The following ARFGEF3 variants were observed in gnomAD, a reference collection of about 807,000 sequenced individuals.
ARFGEF3 encodes ARFGEF family member 3, also known as brefeldin A-inhibited guanine nucleotide-exchange protein 3.
ARFGEF3 carries 96 observed loss-of-function variants against 221.7 expected under a neutral mutation model. The ratio of observed to expected loss-of-function variants is 0.43; its 90% CI spans 0.37 to 0.51. The LOEUF (loss-of-function observed/expected upper bound fraction) is 0.51. ARFGEF3 is among the 20% of genes least tolerant of loss of function. The pLI is 0.00. For missense variants in ARFGEF3, 2,410 were observed against 2,789.9 expected (o/e 0.86, Z 3.07); for synonymous variants, 1,145 against 1,126.8 (o/e 1.02, Z -0.32).
chr6:138,301,088 T>A (rs1779621895), intron 22 of ARFGEF3, among the ~76,000 whole-genome samples: 1 of 152,060 alleles, frequency 6.6e-6, no homozygotes, highest in African/African-American at 2.4e-5. Flanking sequence ...AGAGACAGAT[T>A]TTAAAATAAC....
intron 25 of ARFGEF3, among the ~76,000 whole-genome samples, chr6:138,312,898 C>T (rs1479742276): frequency 4.6e-5 from 7 of 152,098 alleles, no homozygotes; most frequent in Non-Finnish European, 8.8e-5. Context: ...TTAGTAGAGA[C>T]GGGGTTTCGC....
rs1780076032 is a variant in ARFGEF3 at position 138,323,651 on chromosome 6, T to C, written c.4767-20T>C. On this transcript the variant is annotated intron_variant, in intron 29 of 33. Coordinates refer to ENST00000251691, the MANE Select transcript of ARFGEF3 (RefSeq NM_020340.5). ...CAACAACAACAAAAAAAAAACTCCTTTACTTGTTTCTTTTGGCAGATACGT... is the reference window on the plus strand; with the variant it reads ...CAACAACAACAAAAAAAAAACTCCTCTACTTGTTTCTTTTGGCAGATACGT... 3.1e-6 allele frequency: 5 copies of C among 1,593,432 alleles called. No homozygotes were observed. Among genetic ancestry groups the C allele is most frequent in the Non-Finnish European group, 4.3e-6 (5 of 1,171,336 alleles).
chr6:138,332,760 TTTTATGTATA>T (rs1780250534), intron 32 of ARFGEF3, among the ~76,000 whole-genome samples: 6 of 152,234 alleles, frequency 3.9e-5, no homozygotes. Flanking sequence ...AAGTAGTAAC[TTTTATGTATA>T]TTTTACCACA....
chr6:138,181,695 T>C (rs144644761), intron 2 of ARFGEF3, among the ~76,000 whole-genome samples: 2,063 of 152,272 alleles, frequency 0.014, 32 homozygotes, highest in Middle Eastern at 0.058. Flanking sequence ...CCTCCCATCT[T>C]GGCCTCCCAA....
intron 2 of ARFGEF3, among the ~76,000 whole-genome samples, chr6:138,188,318 G>A (rs572021468): frequency 1.8e-4 from 27 of 152,246 alleles, no homozygotes; most frequent in Middle Eastern, 3.4e-3. Context: ...CCCCCCTCCG[G>A]TAATGAGGAT....
intron 8 of ARFGEF3, 21 bp from the exon 9 acceptor site, chr6:138,253,859 G>T (rs1444479821): frequency 5.2e-6 from 8 of 1,544,188 alleles, no homozygotes; most frequent in Non-Finnish European, 7.0e-6. Flanking sequence ...CTGCATTTGT[G>T]TCGGTTCTGC....
intron 18 of ARFGEF3, among the ~76,000 whole-genome samples, chr6:138,290,169 AAGAACAGGGGAC>A (rs1249382787): frequency 6.6e-6 from 1 of 152,228 alleles, no homozygotes; most frequent in Non-Finnish European, 1.5e-5. Context: ...GTATGTTTTG[AAGAACAGGGGAC>A]AGAACTGGGT....
In ARFGEF3 at chr6:138,207,031, G is replaced by C. The variant is rs762085354; in HGVS notation, c.138-11G>C. 4 of 1,601,294 alleles carry C rather than the reference G, an allele frequency of 2.5e-6. No homozygotes were observed. The highest frequency in any genetic ancestry group is 1.7e-6 in the Non-Finnish European group (2 of 1,173,546). On this transcript the variant is annotated splice_polypyrimidine_tract_variant and intron_variant, in intron 2 of 33. Transcript: ENST00000251691. ...GAGCTCACATGTTGTCCTTATTTTT[G>C]TGTTTGCCAGGGAGAAATGCCTGCT...
rs562425561 is a variant in ARFGEF3, at chr6:138,338,697, G to A, written c.*2211G>A. ...CACCTGTAATCCCAGCTACTTAGGA[G>A]GCCGAGACAGGAGAATCGCTCGAAC... On this transcript the variant is annotated 3_prime_UTR_variant, in exon 34 of 34. Transcript: ENST00000251691. 1 of 152,002 alleles carries A rather than the reference G, an allele frequency of 6.6e-6. No individual in the cohort carries two copies. The highest frequency in any genetic ancestry group is 2.4e-5 in the African/African-American group (1 of 41,392). The allele number at this position is 152,002 out of a possible 1,614,324, so 9.4% of individuals were successfully genotyped here.
chr6:138,186,338 T>G (rs184752493), intron 2 of ARFGEF3, among the ~76,000 whole-genome samples: 1 of 152,224 alleles, frequency 6.6e-6, no homozygotes, highest in East Asian at 1.9e-4. Context: ...TAACAGGCTG[T>G]CTGGAGGTCG....
intron 18 of ARFGEF3, among the ~76,000 whole-genome samples, 162 bp downstream of exon 18, chr6:138,290,130 G>T (rs886744963): frequency 3.3e-5 from 5 of 152,228 alleles, no homozygotes; most frequent in African/African-American, 1.2e-4. Context: ...GACGTGAAAA[G>T]AGAAGAGGGA....
In ARFGEF3 at chr6:138,254,987, A is replaced by T. The variant is rs181597641; in HGVS notation, c.771-449A>T. On this transcript the variant is annotated intron_variant, in intron 9 of 33. Transcript: ENST00000251691. ...ACACGAATACCAGTCTCTTAATCAT[A>T]GTCAGAGATTCCCAGAAGTGACAGG... Among the ~76,000 whole-genome samples, 378 of 152,366 alleles carry T rather than the reference A, an allele frequency of 2.5e-3. 2 individuals are homozygous for T. The highest frequency in any genetic ancestry group is 3.4e-3 in the Non-Finnish European group (231 of 68,040).
intron 5 of ARFGEF3, among the ~76,000 whole-genome samples, chr6:138,231,104 C>T (rs73567034): frequency 0.029 from 4,350 of 152,160 alleles, 221 homozygotes; most frequent in African/African-American, 0.098. Context: ...GGGATTGAGG[C>T]TGTTAGTATC....
chr6:138,180,889 G>T (rs1378247752), intron 2 of ARFGEF3, among the ~76,000 whole-genome samples: 1 of 152,226 alleles, frequency 6.6e-6, no homozygotes, highest in African/African-American at 2.4e-5. Context: ...GGAGGTTGCT[G>T]AAATCTGTGT....
intron 5 of ARFGEF3, among the ~76,000 whole-genome samples, chr6:138,230,619 A>T (rs930488227): frequency 3.9e-5 from 6 of 152,248 alleles, no homozygotes; most frequent in African/African-American, 1.4e-4. Flanking sequence ...TACTTATATT[A>T]GCAGATACAT....
chr6:138,255,727 C>G lies in ARFGEF3; in HGVS notation c.1062C>G (p.Pro354=), dbSNP rs764755219. 18 of 1,602,190 alleles carry G rather than the reference C, an allele frequency of 1.1e-5. No homozygotes were observed. Among genetic ancestry groups the G allele is most frequent in the African/African-American group, 8.0e-5 (6 of 74,656 alleles). Residue 354 remains proline, a synonymous_variant, in exon 10 of 34, where the codon CCC becomes CCG. Coordinates refer to ENST00000251691, the MANE Select transcript of ARFGEF3 (RefSeq NM_020340.5). The part of the protein sequence containing the change: ...QSLYHRVLLY[P]PPQHRVEAIK... ...TCTACCACCGAGTGCTGCTCTACCC[C>G]CCACCCCAGCACCGGGTGGAAGCCA...
Position 138,291,914 on chromosome 6 carries a change from C to A in ARFGEF3, c.3229C>A (p.Pro1077Thr). ...GCAGGGGCGCTCCCTGAGCACGGCC[C>A]CTGTCGTCCAGCCCCTGTCCATCCA... ...PEQGRSLSTA[P>T]VVQPLSIQDL... Residue 1077 changes from proline (P) to threonine (T), a missense_variant, in exon 19 of 34, where the codon CCT becomes ACT. Pro to Thr is a conservative substitution (Grantham distance 38, BLOSUM62 -1). This residue lies in a region of ARFGEF3 where 184 missense variants were observed against 141.8 expected (regional missense o/e 1.30). Transcript: ENST00000251691. This position sits in a 1 kb window ranked among gnomAD's most constrained non-coding sequence, Gnocchi z 4.5. 6.7e-7 allele frequency: 1 copy of A among 1,490,676 alleles called. No homozygotes were observed. Among genetic ancestry groups the A allele is most frequent in the Non-Finnish European group, 9.0e-7 (1 of 1,116,368 alleles). 92.3% of individuals were successfully genotyped at this position (1,490,676 alleles called of 1,614,324 possible).
intron 2 of ARFGEF3, among the ~76,000 whole-genome samples, chr6:138,177,772 A>G (rs1776984495): frequency 6.6e-6 from 1 of 151,820 alleles, no homozygotes; most frequent in African/African-American, 2.4e-5. Flanking sequence ...GCTTTTGAAT[A>G]TATTTTGTAA....
intron 2 of ARFGEF3, among the ~76,000 whole-genome samples, chr6:138,180,116 T>A (rs1172643234): frequency 6.6e-6 from 1 of 152,218 alleles, no homozygotes; most frequent in African/African-American, 2.4e-5. Flanking sequence ...GCCTATCAGT[T>A]TTTTGGCTTT....
Sources: gnomAD v4.1 joint callset for allele counts (sites outside exome capture counted in the v4.1 genomes callset) on GRCh38, gnomAD v4.1.1 for gene constraint, gnomAD v4.1.1 regional missense constraint, Gnocchi (gnomAD v3.1) non-coding constraint, MANE v1.5 for transcripts, NCBI Gene and HGNC (gene_info 2026-07-23, HGNC 2026-07-21) for gene names.